Variants in TMEM117 observed in about 807,000 individuals in gnomAD.
TMEM117 encodes the protein transmembrane protein 117.
In TMEM117, 27 loss-of-function variants were observed where a neutral mutation model predicts 52.4. The observed-to-expected ratio is 0.51, with a 90% CI of 0.38 to 0.71. The LOEUF is 0.71. TMEM117 is among the 30% of genes least tolerant of loss of function. TMEM117 has a pLI of 0.00. For missense variants in TMEM117, 556 were observed against 630.5 expected, an observed-to-expected ratio of 0.88 and a Z score of 1.26; for synonymous variants, 215 against 206.3, an observed-to-expected ratio of 1.04 and a Z score of -0.36.
At chr12:44,392,192 A>G (rs1952164584), downstream of TMEM117, among the ~76,000 whole-genome samples, 1 of 152,164 alleles carries the variant, frequency 6.6e-6, no homozygotes, top group Non-Finnish European at 1.5e-5. Context: ...TAGATGTAGT[A>G]TTTATAACTC....
At chr12:43,852,942 T>A (rs967532777) in intron 2 of TMEM117, among the ~76,000 whole-genome samples, 1 of 152,220 alleles carries the variant, frequency 6.6e-6, no homozygotes, top group Admixed American at 6.5e-5. Context: ...TTTGTATTCA[T>A]TGAAGGTATT....
In TMEM117 at chr12:43,856,032, A is replaced by G. The variant is rs145602006; in HGVS notation, c.277+11104A>G. ...TAATTTGAGATCTGAATAGCTGAATAGTATAAATAACCAACAAGTTATCAT... is the reference window on the plus strand; with the variant it reads ...TAATTTGAGATCTGAATAGCTGAATGGTATAAATAACCAACAAGTTATCAT... On this transcript the variant is annotated intron_variant, in intron 2 of 7. Coordinates refer to ENST00000266534, the MANE Select transcript of TMEM117 (RefSeq NM_032256.3). Among the ~76,000 whole-genome samples, 1,061 of 152,334 alleles carry G rather than the reference A, an allele frequency of 7.0e-3. 13 individuals carry two copies. The highest frequency in any genetic ancestry group is 0.024 in the African/African-American group (993 of 41,578).
chr12:44,092,104 C>CA (rs1947683508), intron 3 of TMEM117, among the ~76,000 whole-genome samples: 1 of 152,180 alleles, frequency 6.6e-6, no homozygotes, highest in African/African-American at 2.4e-5. Context: ...TCACTGGTAA[C>CA]AAAGAATGGT....
intron 7 of TMEM117, among the ~76,000 whole-genome samples, chr12:44,378,008 A>G (rs1951966343): frequency 6.6e-6 from 1 of 152,208 alleles, no homozygotes; most frequent in South Asian, 2.1e-4. Context: ...TTCAGGTCAC[A>G]TAGTCTGGTT....
At chr12:44,008,157 T>C (rs1374479631) in intron 3 of TMEM117, among the ~76,000 whole-genome samples, 2 of 152,196 alleles carry the variant, frequency 1.3e-5, no homozygotes, top group African/African-American at 4.8e-5. Flanking sequence ...GGACCAAGAC[T>C]GCCTCCCAGA....
At chr12:44,033,569 A>G (rs1946666315) in intron 3 of TMEM117, among the ~76,000 whole-genome samples, 2 of 152,216 alleles carry the variant, frequency 1.3e-5, no homozygotes, top group South Asian at 4.1e-4. Context: ...AAGCTCAGCT[A>G]ACAGATGAAA....
At position 44,087,500 on chromosome 12, in the gene TMEM117, T is replaced by G. The variant is rs73288004; in HGVS notation, c.411-56025T>G. 6.8e-3 allele frequency among the ~76,000 whole-genome samples: 1,036 copies of G among 152,244 alleles called. 14 individuals are homozygous for G. The highest frequency in any genetic ancestry group is 0.024 in the African/African-American group (990 of 41,528). On this transcript the variant is annotated intron_variant, in intron 3 of 7. Coordinates refer to ENST00000266534, the MANE Select transcript of TMEM117 (RefSeq NM_032256.3). ...TATTGAGACAGAGTCTCACTCTTGT[T>G]AATCATGTTGGAGTGCAGTGGCATG... is the stretch of plus-strand genomic sequence containing the variant.
At chr12:44,039,302 T>C (rs1020692102) in intron 3 of TMEM117, among the ~76,000 whole-genome samples, 1 of 151,732 alleles carries the variant, frequency 6.6e-6, no homozygotes, top group African/African-American at 2.4e-5. Context: ...CTGGGCTCTG[T>C]ACTCCTGCTA....
intron 2 of TMEM117, among the ~76,000 whole-genome samples, chr12:43,920,423 G>C (rs1944673046): frequency 1.3e-5 from 2 of 151,892 alleles, no homozygotes; most frequent in Admixed American, 1.3e-4. Context: ...TGAGGCAGGA[G>C]AATCACTTGA....
chr12:44,093,278 A>G (rs1245984218), intron 3 of TMEM117, among the ~76,000 whole-genome samples: 4 of 152,166 alleles, frequency 2.6e-5, no homozygotes, highest in Admixed American at 1.3e-4. Flanking sequence ...TCCCCAGAGT[A>G]TAAAGCTAAA....
chr12:43,977,450 C>A (rs113008085), intron 3 of TMEM117, among the ~76,000 whole-genome samples: 1,585 of 152,248 alleles, frequency 0.01, 24 homozygotes, highest in East Asian at 0.036. Flanking sequence ...TTCTCTTCCC[C>A]ATGTTAGCAA....
At chr12:44,294,629 A>G (rs1278346972) in intron 5 of TMEM117, among the ~76,000 whole-genome samples, 1 of 152,164 alleles carries the variant, frequency 6.6e-6, no homozygotes, top group Non-Finnish European at 1.5e-5. Context: ...GGCATATCCA[A>G]ATTGCCAGCA....
intron 4 of TMEM117, among the ~76,000 whole-genome samples, chr12:44,157,495 G>C (rs1009807134): frequency 6.6e-6 from 1 of 151,850 alleles, no homozygotes; most frequent in Non-Finnish European, 1.5e-5. Context: ...TTTTATTGTT[G>C]CTCTAGTGTC....
At chr12:43,972,319 G>C (rs1945601503) in intron 3 of TMEM117, among the ~76,000 whole-genome samples, 1 of 152,154 alleles carries the variant, frequency 6.6e-6, no homozygotes, top group Non-Finnish European at 1.5e-5. Flanking sequence ...GTCCAGAGTT[G>C]GTTCCTTCCG....
chr12:43,839,216 C>T (rs1048415848), intron 1 of TMEM117, among the ~76,000 whole-genome samples: 1 of 152,094 alleles, frequency 6.6e-6, no homozygotes, highest in Non-Finnish European at 1.5e-5. Flanking sequence ...GTTCCTTGCC[C>T]TCCTTTCTTA....
chr12:44,350,318 G>A (rs1330378220), intron 6 of TMEM117, among the ~76,000 whole-genome samples: 3 of 151,904 alleles, frequency 2.0e-5, no homozygotes, highest in Non-Finnish European at 4.4e-5. Flanking sequence ...TTTGATACAG[G>A]CATGAAATGC....
chr12:44,271,621 A>G (rs1434467460), intron 5 of TMEM117, among the ~76,000 whole-genome samples: 2 of 152,094 alleles, frequency 1.3e-5, no homozygotes, highest in African/African-American at 4.8e-5. Context: ...TTAAGGTCTT[A>G]AAGATAAGAC....
intron 3 of TMEM117, among the ~76,000 whole-genome samples, chr12:43,977,022 A>G (rs1479277965): frequency 2.0e-5 from 3 of 152,152 alleles, no homozygotes; most frequent in Admixed American, 6.6e-5. Flanking sequence ...CTAAGCAGTT[A>G]TGTTATTAGA....
chr12:44,267,947 G>T (rs1187103485), intron 5 of TMEM117, among the ~76,000 whole-genome samples: 1 of 152,166 alleles, frequency 6.6e-6, no homozygotes, highest in Non-Finnish European at 1.5e-5. Flanking sequence ...TGTGAACAAT[G>T]CTGCATTGAA....
Sources: gnomAD v4.1 joint callset for allele counts (sites outside exome capture counted in the v4.1 genomes callset) on GRCh38, gnomAD v4.1.1 for gene constraint, MANE v1.5 for transcripts, NCBI Gene and HGNC (gene_info 2026-07-23, HGNC 2026-07-21) for gene names.